The following PLEC variants were observed in gnomAD, a reference collection of about 807,000 sequenced individuals.
The protein encoded by PLEC is plectin.
Under a neutral mutation model 392.8 loss-of-function variants are expected in PLEC, and 216 were observed. That is an observed-to-expected ratio of 0.55 (90% confidence interval 0.49 to 0.62). PLEC has a LOEUF of 0.62. Among genes scored for constraint, PLEC ranks in the 20% least tolerant of loss-of-function variants. The pLI is 0.00. For synonymous variants in PLEC, 3,621 were observed against 2,980.6 expected (o/e 1.21, Z -7.00); for missense variants, 6,863 against 6,563.4 (o/e 1.05, Z -1.58).
upstream of PLEC, chr8:143,944,538 G>A: frequency 1.7e-6 from 1 of 579,824 alleles, no homozygotes; most frequent in East Asian, 3.5e-5. Context: ...CAGGCTGTGT[G>A]CAGGGCGAGG....
chr8:143,939,672 G>C, upstream of PLEC: 1 of 1,398,500 alleles, frequency 7.2e-7, no homozygotes, highest in Non-Finnish European at 9.3e-7. Context: ...ACCCTGCCCA[G>C]GCCGCCGCCA....
rs1424778673 is a variant in PLEC at position 143,916,509 on chromosome 8, G to A, written c.13312C>T (p.Pro4438Ser). The A allele has an allele frequency of 6.2e-6, 10 of 1,611,754 alleles. No individual in the cohort carries two copies. Among genetic ancestry groups the A allele is most frequent in the South Asian group, 1.1e-5 (1 of 91,074 alleles). ...VGAYSKYLTC[P>S]KTKLKISYKD... ...TAGGAGATCTTGAGCTTGGTCTTAG[G>A]GCAGGTGAGGTACTTGGAGTAGGCG... Residue 4438 changes from proline (P) to serine (S), a missense_variant, in exon 32 of 32, where the codon CCT (proline) becomes TCT (serine). Coordinates refer to ENST00000345136, the MANE Select transcript of PLEC (RefSeq NM_201384.3).
intron 1 of PLEC, among the ~76,000 whole-genome samples, chr8:143,959,399 G>A (rs548040556): frequency 6.6e-5 from 10 of 152,336 alleles, no homozygotes; most frequent in African/African-American, 1.9e-4. Context: ...ACTGACGATC[G>A]GTCAGAGCTG....
chr8:143,947,149 G>C (rs1554732791), intron 1 of PLEC, among the ~76,000 whole-genome samples: 3 of 152,236 alleles, frequency 2.0e-5, no homozygotes, highest in African/African-American at 7.2e-5. Flanking sequence ...GCACCCTGTG[G>C]CTGGGAAGAA....
chr8:143,916,866 C>T lies in PLEC; in HGVS notation c.12955G>A (p.Gly4319Arg), dbSNP rs782444726. Reference protein sequence around the residue: ...QRLLEAQACTGGIIDPSTGER... With the variant: ...QRLLEAQACTRGIIDPSTGER... ...CCGGTGCTGGGGTCGATGATGCCCC[C>T]GGTGCAGGCCTGCGCCTCCAGCAGC... Residue 4319 changes from glycine (G) to arginine (R), a missense_variant, in exon 32 of 32, where the codon GGG (glycine) becomes AGG (arginine). Physicochemically the swap from Gly to Arg is moderately radical, Grantham distance 125. Coordinates refer to ENST00000345136, the MANE Select transcript of PLEC (RefSeq NM_201384.3). 3.7e-6 allele frequency: 6 copies of T among 1,611,512 alleles called. No individual in the cohort carries two copies. Among genetic ancestry groups the T allele is most frequent in the Non-Finnish European group, 5.1e-6 (6 of 1,179,468 alleles).
Position 143,924,511 on chromosome 8 carries a change from C to T in PLEC, c.5418G>A (p.Leu1806=). 3.2e-6 allele frequency: 5 copies of T among 1,539,570 alleles called. No homozygotes were observed. The highest frequency in any genetic ancestry group is 4.3e-6 in the Non-Finnish European group (5 of 1,149,450). Residue 1806 remains leucine, a synonymous_variant, in exon 31 of 32, where the codon CTG becomes CTA. Transcript: ENST00000345136. ...FRELAEEAAR[L]RALAEEAKRQ... Reference sequence around the variant, plus strand: ...GCTTGGCCTCTTCCGCCAGGGCACGCAGGCGGGCGGCCTCCTCGGCCAGCT... The same window carrying T: ...GCTTGGCCTCTTCCGCCAGGGCACGTAGGCGGGCGGCCTCCTCGGCCAGCT...
chr8:143,953,926 G>T, upstream of PLEC: 1 of 1,424,198 alleles, frequency 7.0e-7, no homozygotes, highest in African/African-American at 1.5e-5. Context: ...TCAATGCGCC[G>T]GACAGGGCCG....
chr8:143,948,427 C>G (rs1831746754), intron 1 of PLEC, among the ~76,000 whole-genome samples: 1 of 152,250 alleles, frequency 6.6e-6, no homozygotes, highest in African/African-American at 2.4e-5. Flanking sequence ...GCAGGGCCAT[C>G]CGGACCCCTG....
chr8:143,938,595 C>T (rs782048483), intron 2 of PLEC, 36 bp downstream of exon 2: 1 of 1,608,560 alleles, frequency 6.2e-7, no homozygotes, highest in Non-Finnish European at 8.5e-7. Flanking sequence ...CCCACAGCCT[C>T]AGCCCCTGTG....
upstream of PLEC, chr8:143,953,889 G>C: frequency 6.6e-7 from 1 of 1,515,676 alleles, no homozygotes; most frequent in Non-Finnish European, 8.8e-7. Context: ...GGCAGGGCTT[G>C]CCGGCCAGGG....
Position 143,929,482 on chromosome 8 carries a change from G to A in PLEC, c.3013C>T (p.His1005Tyr), listed in dbSNP as rs781890669. ...QLEACETRTV[H>Y]RLRLPLDKEP... The stretch of plus-strand genomic sequence containing the variant: ...TTGTCCAGCGGCAGCCGCAGGCGGT[G>A]CACGGTGCGCGTCTCACAGGCCTCC... Residue 1005 changes from histidine to tyrosine, a missense_variant, in exon 24 of 32, where the codon CAC (histidine) becomes TAC (tyrosine). His to Tyr is a moderately conservative substitution (Grantham distance 83). Transcript: ENST00000345136. 4 of 1,604,940 alleles carry A rather than the reference G, an allele frequency of 2.5e-6. No homozygotes were observed. The highest frequency in any genetic ancestry group is 1.7e-6 in the Non-Finnish European group (2 of 1,177,010).
upstream of PLEC, among the ~76,000 whole-genome samples, chr8:143,944,132 C>T (rs574240750): frequency 5.9e-5 from 9 of 152,094 alleles, no homozygotes; most frequent in African/African-American, 1.9e-4. Context: ...CCCACCCGGC[C>T]GGCTCAGCTG....
chr8:143,955,714 C>T (rs1055531350), upstream of PLEC, among the ~76,000 whole-genome samples: 18 of 152,106 alleles, frequency 1.2e-4, no homozygotes, highest in Middle Eastern at 3.4e-3. Context: ...ATGCCCCCAC[C>T]TCAGCTTTCT....
chr8:143,934,564 CG>C, intron 10 of PLEC, 70 bp downstream of exon 10: 2 of 1,600,810 alleles, frequency 1.2e-6, no homozygotes, highest in Non-Finnish European at 1.7e-6. Flanking sequence ...AGGGCCAGGT[CG>C]GCTCCGGAAG....
chr8:143,929,136 T>C lies in PLEC; in HGVS notation c.3227A>G (p.Gln1076Arg), dbSNP rs576369528. Residue 1076 changes from glutamine (Q) to arginine (R), a missense_variant, in exon 25 of 32, where the codon CAG becomes CGG. By Grantham distance (43) the Gln-to-Arg change is conservative. Coordinates refer to ENST00000345136, the MANE Select transcript of PLEC (RefSeq NM_201384.3). ...GTAGATGGCAGACAGGCTGCGGACC[T>C]GCTCCAGCTTGCCCAGCGTCAGCTC... Reference protein sequence around the residue: ...ELELTLGKLEQVRSLSAIYLE... With the variant: ...ELELTLGKLERVRSLSAIYLE... The C allele has an allele frequency of 1.2e-4, 183 of 1,587,290 alleles. No individual in the cohort carries two copies. The East Asian group carries it at 3.7e-3, about 32-fold the overall frequency.
rs62641758 is a variant in PLEC at position 143,921,391 on chromosome 8, G to C, written c.8430C>G (p.Ile2810Met). Reference sequence around the variant, plus strand: ...CGGGGTCGATAACGCCGCCCGTGGCGATCTGGGCCTCCAGCAGGCGGATGC... The same window carrying C: ...CGGGGTCGATAACGCCGCCCGTGGCCATCTGGGCCTCCAGCAGGCGGATGC... ...EHGIRLLEAQ[I>M]ATGGVIDPVH... is the part of the protein sequence containing the mutation. The change falls in exon 32 of 32, where the codon ATC (isoleucine) becomes ATG (methionine). Residue 2810 changes from isoleucine (I) to methionine (M), a missense_variant. By Grantham distance (10) the Ile-to-Met change is conservative. Transcript: ENST00000345136. The C allele has an allele frequency of 1.6e-3, 2,525 of 1,613,334 alleles. 13 individuals carry two copies. In the African/African-American group the frequency reaches 0.018, roughly 11 times the overall value.
intron 1 of PLEC, among the ~76,000 whole-genome samples, chr8:143,959,802 C>T (rs1587395685): frequency 1.3e-5 from 2 of 150,016 alleles, no homozygotes; most frequent in South Asian, 4.2e-4. Context: ...TGAGACCATC[C>T]TGGCTAACAC....
upstream of PLEC, among the ~76,000 whole-genome samples, chr8:143,954,239 C>T (rs2132795762): frequency 6.6e-6 from 1 of 152,340 alleles, no homozygotes. The surrounding 1 kb of genome is among the most constrained non-coding windows in gnomAD (Gnocchi z 4.6). Flanking sequence ...TCAGCCGGCC[C>T]AACTCCAGGG....
chr8:143,927,955 C>T lies in PLEC; in HGVS notation c.3298G>A (p.Gly1100Arg), dbSNP rs201404741. Residue 1100 changes from glycine (G) to arginine (R), a missense_variant, in exon 26 of 32, where the codon GGG (glycine) becomes AGG (arginine). Gly to Arg is a moderately radical substitution (Grantham distance 125, BLOSUM62 -2). Coordinates refer to ENST00000345136, the MANE Select transcript of PLEC (RefSeq NM_201384.3). ...TGGGCCCTGAGCACCTCCTCGGCCC[C>T]CTGCGTGCCGCGGATCACCAGGCTG... ...TISLVIRGTQ[G>R]AEEVLRAHEE... The T allele has an allele frequency of 2.0e-5, 32 of 1,601,686 alleles. No individual in the cohort carries two copies. Among genetic ancestry groups the T allele is most frequent in the Non-Finnish European group, 2.4e-5 (28 of 1,172,472 alleles).
Sources: allele counts gnomAD v4.1 joint callset (sites outside exome capture counted in the v4.1 genomes callset), GRCh38; gene constraint gnomAD v4.1.1; non-coding constraint Gnocchi (gnomAD v3.1); transcripts MANE v1.5; gene names NCBI Gene and HGNC (gene_info 2026-07-23, HGNC 2026-07-21).